NKX2-6: variants seen among roughly 807,000 people sequenced by gnomAD.
The protein encoded by NKX2-6 is homeobox protein Nkx-2.6.
Under a neutral mutation model 8.6 loss-of-function variants are expected in NKX2-6, and 8 were observed. The observed-to-expected ratio is 0.93, with a 90% confidence interval of 0.54 to 1.67. The LOEUF (loss-of-function observed/expected upper bound fraction) is 1.67. Ranked by LOEUF, NKX2-6 falls within the 40% of genes most tolerant of loss-of-function variation. The pLI, the probability that NKX2-6 is intolerant of heterozygous loss-of-function variation, is 0.00. For missense variants in NKX2-6, 475 were observed against 423.1 expected (o/e 1.12, Z -1.08); for synonymous variants, 210 against 199.3 (o/e 1.05, Z -0.45).
At chr8:23,706,198 C>T (rs749563297) in intron 1 of NKX2-6, 127 bp downstream of exon 1, 1 of 1,021,672 alleles carries the variant, frequency 9.8e-7, no homozygotes, top group Non-Finnish European at 1.4e-6. Context: ...TTTTTGGACT[C>T]CTCGAGAGAA....
chr8:23,703,423 G>A (rs1359659364), intron 1 of NKX2-6, among the ~76,000 whole-genome samples: 1 of 151,982 alleles, frequency 6.6e-6, no homozygotes, highest in African/African-American at 2.4e-5. Context: ...TGGGCCGGGC[G>A]CAGTGGCTCA....
At position 23,702,090 on chromosome 8, in the gene NKX2-6, C is replaced by T. The variant is rs1325977599; in HGVS notation, c.*361G>A. Among the ~76,000 whole-genome samples, 1 of 152,170 alleles carries T rather than the reference C, an allele frequency of 6.6e-6. No homozygotes were observed. The highest frequency in any genetic ancestry group is 2.4e-5 in the African/African-American group (1 of 41,430). ...CCATCTCCATTCACCGCCGATGCCC[C>T]GGGGCTGCTGCGTACAGATGCAAGA... On this transcript the variant is annotated 3_prime_UTR_variant, in exon 2 of 2. Coordinates refer to ENST00000325017, the MANE Select transcript of NKX2-6 (RefSeq NM_001136271.3).
At chr8:23,703,400 G>C (rs1380248253) in intron 1 of NKX2-6, among the ~76,000 whole-genome samples, 1 of 152,210 alleles carries the variant, frequency 6.6e-6, no homozygotes, top group Admixed American at 6.5e-5. Context: ...TTGCTTCTTA[G>C]AATGTGTGTG....
chr8:23,702,586 G>A lies in NKX2-6; in HGVS notation c.771C>T (p.Gly257=), dbSNP rs773766949. The A allele has an allele frequency of 1.4e-5, 21 of 1,545,376 alleles. No homozygotes were observed. The highest frequency in any genetic ancestry group is 9.5e-5 in the South Asian group (8 of 83,994). ...CCGAGGGCGCGCCCGCGTAGCAGGT[G>A]CCGTAGCCTGCGCCGTAGGGTGCTC... is the stretch of plus-strand genomic sequence containing the variant. The part of the protein sequence containing the change: ...YSGAPYGAGY[G]TCYAGAPSGP... Residue 257 remains glycine (G), a synonymous_variant, in exon 2 of 2, where the codon GGC becomes GGT. Coordinates refer to ENST00000325017, the MANE Select transcript of NKX2-6 (RefSeq NM_001136271.3).
rs936421503 is a variant in NKX2-6, at chr8:23,702,659, G to A, written c.698C>T (p.Pro233Leu). ...PGPGAPAFPSPYSAAVSPYSC... is the reference protein window; with the variant it reads ...PGPGAPAFPSLYSAAVSPYSC... ...GTAGGGCGACACTGCTGCACTGTAG[G>A]GGCTGGGGAAGGCAGGTGCGCCGGG... The change falls in exon 2 of 2, where the codon CCC becomes CTC. Residue 233 changes from proline to leucine, a missense_variant. By Grantham distance (98) the Pro-to-Leu change is moderately conservative. Coordinates refer to ENST00000325017, the MANE Select transcript of NKX2-6 (RefSeq NM_001136271.3). 2 of 1,550,660 alleles carry A rather than the reference G, an allele frequency of 1.3e-6. No individual in the cohort carries two copies. Among genetic ancestry groups the A allele is most frequent in the South Asian group, 1.2e-5 (1 of 83,982 alleles).
At position 23,702,877 on chromosome 8, in the gene NKX2-6, G is replaced by A; in HGVS notation, c.480C>T (p.Pro160=). The change falls in exon 2 of 2, where the codon CCC becomes CCT. Residue 160 remains proline, a synonymous_variant. Transcript: ENST00000325017. ...RFKQQRYLSA[P]EREHLASALQ... is the part of the protein sequence containing the mutation. ...GCGCGCTGGCCAGGTGCTCGCGCTC[G>A]GGCGCTGACAGGTACCGCTGCTGCT... is the stretch of plus-strand genomic sequence containing the variant. 2 of 1,559,708 alleles carry A rather than the reference G, an allele frequency of 1.3e-6. No individual in the cohort carries two copies. Among genetic ancestry groups the A allele is most frequent in the Non-Finnish European group, 1.7e-6 (2 of 1,151,598 alleles).
chr8:23,702,893 C>G lies in NKX2-6; in HGVS notation c.464G>C (p.Arg155Pro), dbSNP rs534202593. ...LALERRFKQQ[R>P]YLSAPEREHL... ...CTCGCGCTCGGGCGCTGACAGGTACCGCTGCTGCTTGAAGCGCCGCTCCAG... is the reference window on the plus strand; with the variant it reads ...CTCGCGCTCGGGCGCTGACAGGTACGGCTGCTGCTTGAAGCGCCGCTCCAG... The change falls in exon 2 of 2, where the codon CGG becomes CCG. Residue 155 changes from arginine (R) to proline (P), a missense_variant. Coordinates refer to ENST00000325017, the MANE Select transcript of NKX2-6 (RefSeq NM_001136271.3). The G allele has an allele frequency of 1.9e-6, 3 of 1,555,850 alleles. No individual in the cohort carries two copies. The highest frequency in any genetic ancestry group is 1.7e-4 in the Middle Eastern group (1 of 5,736).
At chr8:23,704,017 T>A (rs1801053910) in intron 1 of NKX2-6, among the ~76,000 whole-genome samples, 2 of 152,184 alleles carry the variant, frequency 1.3e-5, no homozygotes, top group African/African-American at 4.8e-5. Flanking sequence ...GCAGGGAACT[T>A]GGCTGTAAGT....
intron 1 of NKX2-6, 132 bp downstream of exon 1, chr8:23,706,193 G>A (rs1801086517): frequency 2.1e-6 from 2 of 957,198 alleles, no homozygotes; most frequent in South Asian, 3.7e-5. Flanking sequence ...GCCTTTTTTT[G>A]GACTCCTCGA....
chr8:23,706,571 G>C lies in NKX2-6; in HGVS notation c.28C>G (p.Pro10Ala). Residue 10 changes from proline (P) to alanine (A), a missense_variant, in exon 1 of 2, where the codon CCC (proline) becomes GCC (alanine). Physicochemically the swap from Pro to Ala is conservative, Grantham distance 27. Coordinates refer to ENST00000325017, the MANE Select transcript of NKX2-6 (RefSeq NM_001136271.3). Reference sequence around the variant, plus strand: ...CGCAGGATGTCCTTGACCGAGAAGGGGGTGGAGGTGACGGGGCTCAGCAGC... The same window carrying C: ...CGCAGGATGTCCTTGACCGAGAAGGCGGTGGAGGTGACGGGGCTCAGCAGC... MLLSPVTSTPFSVKDILRLE... is the reference protein window; with the variant it reads MLLSPVTSTAFSVKDILRLE... 6.5e-7 allele frequency: 1 copy of C among 1,536,122 alleles called. No homozygotes were observed. Among genetic ancestry groups the C allele is most frequent in the Non-Finnish European group, 8.7e-7 (1 of 1,146,824 alleles).
chr8:23,702,511 G>A lies in NKX2-6; in HGVS notation c.846C>T (p.Gly282=). Residue 282 remains glycine, a synonymous_variant, in exon 2 of 2, where the codon GGC becomes GGT. Coordinates refer to ENST00000325017, the MANE Select transcript of NKX2-6 (RefSeq NM_001136271.3). ...GATGGCCCTGCGGGGTGGCATTCTG[G>A]CCACCGTGTCCGAAGCCCGCGCTGG... The part of the protein sequence containing the change: ...PLASAGFGHG[G]QNATPQGHLA... The A allele has an allele frequency of 6.5e-7, 1 of 1,529,004 alleles. No homozygotes were observed. 94.7% of individuals were successfully genotyped at this position (1,529,004 alleles called of 1,614,324 possible).
Position 23,706,533 on chromosome 8 carries a change from C to T in NKX2-6, c.66G>A (p.Glu22=). 6.5e-7 allele frequency: 1 copy of T among 1,537,114 alleles called. No homozygotes were observed. The highest frequency in any genetic ancestry group is 8.7e-7 in the Non-Finnish European group (1 of 1,146,930). The stretch of plus-strand genomic sequence containing the variant: ...GTGGCGAAGCCGCGGGGCAGCTCCG[C>T]TCGCGCTCCAGTCGCAGGATGTCCT... ...SVKDILRLER[E]RSCPAASPHP... is the part of the protein sequence containing the mutation. The change falls in exon 1 of 2, where the codon GAG becomes GAA. Residue 22 remains glutamate, a synonymous_variant. Transcript: ENST00000325017.
rs1336437818 is a variant in NKX2-6 at position 23,706,315 on chromosome 8, G to A, written c.274+10C>T. The A allele has an allele frequency of 1.3e-6, 2 of 1,538,756 alleles. No homozygotes were observed. Among genetic ancestry groups the A allele is most frequent in the East Asian group, 4.9e-5 (2 of 40,598 alleles). ...CCCCCGTAGGAGGCAAGACCTGAGC[G>A]CTTACTCACGTGGCTCCCCCATCCG... On this transcript the variant is annotated intron_variant, in intron 1 of 1. Transcript: ENST00000325017.
chr8:23,704,761 A>G (rs1801064365), intron 1 of NKX2-6, among the ~76,000 whole-genome samples: 1 of 152,220 alleles, frequency 6.6e-6, no homozygotes, highest in African/African-American at 2.4e-5. Flanking sequence ...ATCGAAAGGT[A>G]ACAACTGACC....
In NKX2-6 at chr8:23,702,801, T is replaced by C. The variant is rs1163185091; in HGVS notation, c.556A>G (p.Lys186Glu). 1.3e-6 allele frequency: 2 copies of C among 1,569,384 alleles called. No homozygotes were observed. The highest frequency in any genetic ancestry group is 1.7e-6 in the Non-Finnish European group (2 of 1,156,764). ...VKIWFQNRRY[K>E]CKRQRQDKSL... ...TTGTCCTGGCGCTGTCTCTTGCATTTGTAGCGTCGGTTCTGGAACCAGATC... is the reference window on the plus strand; with the variant it reads ...TTGTCCTGGCGCTGTCTCTTGCATTCGTAGCGTCGGTTCTGGAACCAGATC... The change falls in exon 2 of 2, where the codon AAA becomes GAA. Residue 186 changes from lysine to glutamate, a missense_variant. Coordinates refer to ENST00000325017, the MANE Select transcript of NKX2-6 (RefSeq NM_001136271.3).
chr8:23,702,837 T>G lies in NKX2-6; in HGVS notation c.520A>C (p.Thr174Pro). ...TTCTGGAACCAGATCTTGACCTGCG[T>G]GGACGTGAGCTGCAGCGCGCTGGCC... ...HLASALQLTS[T>P]QVKIWFQNRR... Residue 174 changes from threonine to proline, a missense_variant, in exon 2 of 2, where the codon ACG becomes CCG. Physicochemically the swap from Thr to Pro is conservative, Grantham distance 38. Transcript: ENST00000325017. 1.3e-6 allele frequency: 2 copies of G among 1,572,936 alleles called. No individual in the cohort carries two copies. The highest frequency in any genetic ancestry group is 1.7e-6 in the Non-Finnish European group (2 of 1,158,870).
rs1176894958 is a variant in NKX2-6 at position 23,706,504 on chromosome 8, G to T, written c.95C>A (p.Pro32Gln). Residue 32 changes from proline to glutamine, a missense_variant, in exon 1 of 2, where the codon CCG becomes CAG. Physicochemically the swap from Pro to Gln is moderately conservative, Grantham distance 76 (BLOSUM62 -1). Transcript: ENST00000325017. Reference protein sequence around the residue: ...ERSCPAASPHPRVRKSPENFQ... With the variant: ...ERSCPAASPHQRVRKSPENFQ... ...GTTTTCCGGGCTCTTCCGCACCCGC[G>T]GATGTGGCGAAGCCGCGGGGCAGCT... The T allele has an allele frequency of 2.0e-6, 3 of 1,538,454 alleles. No individual in the cohort carries two copies. Among genetic ancestry groups the T allele is most frequent in the Admixed American group, 3.9e-5 (2 of 50,990 alleles).
Position 23,702,582 on chromosome 8 carries a change from A to G in NKX2-6, c.775T>C (p.Cys259Arg). ...GAPYGAGYGT[C>R]YAGAPSGPAP... ...GGACCCGAGGGCGCGCCCGCGTAGC[A>G]GGTGCCGTAGCCTGCGCCGTAGGGT... The change falls in exon 2 of 2, where the codon TGC becomes CGC. Residue 259 changes from cysteine to arginine, a missense_variant. Physicochemically the swap from Cys to Arg is radical, Grantham distance 180. Coordinates refer to ENST00000325017, the MANE Select transcript of NKX2-6 (RefSeq NM_001136271.3). 6.5e-7 allele frequency: 1 copy of G among 1,545,378 alleles called. No homozygotes were observed. Among genetic ancestry groups the G allele is most frequent in the South Asian group, 1.2e-5 (1 of 83,992 alleles).
At chr8:23,704,800 C>T (rs1801064908) in intron 1 of NKX2-6, among the ~76,000 whole-genome samples, 1 of 152,146 alleles carries the variant, frequency 6.6e-6, no homozygotes, top group Non-Finnish European at 1.5e-5. Context: ...CAAGGAGGAC[C>T]CCATTTCAAA....
Sources: allele counts gnomAD v4.1 joint callset (sites outside exome capture counted in the v4.1 genomes callset), GRCh38; gene constraint gnomAD v4.1.1; transcripts MANE v1.5; gene names NCBI Gene and HGNC (gene_info 2026-07-23, HGNC 2026-07-21).